Variants in NFIA observed in about 807,000 individuals in gnomAD.
NFIA encodes the protein nuclear factor 1 A-type.
A neutral mutation model predicts 62.8 loss-of-function variants in NFIA; 8 were observed. The observed-to-expected ratio is 0.13, with a 90% CI of 0.07 to 0.23. The LOEUF (loss-of-function observed/expected upper bound fraction) is 0.23. Ranked by LOEUF, NFIA falls within the 10% of genes least tolerant of loss-of-function variation. The pLI, the probability that NFIA is intolerant of heterozygous loss-of-function variation, is 1.00. For missense variants in NFIA, 410 were observed against 642.1 expected (o/e 0.64, Z 3.91); for synonymous variants, 235 against 238.1 (o/e 0.99, Z 0.12).
At position 61,454,572 on chromosome 1, in the gene NFIA, A is replaced by T. The variant is rs1429437875; in HGVS notation, c.1513-731A>T. On this transcript the variant is annotated intron_variant, in intron 10 of 10. Coordinates refer to ENST00000403491, the MANE Select transcript of NFIA (RefSeq NM_001134673.4). ...TGGTACTTAATAGAGTAAAATCTTG[A>T]TCCTACTTAGTTATTATGTTTCATG... Among the ~76,000 whole-genome samples, 3 of 152,218 alleles carry T rather than the reference A, an allele frequency of 2.0e-5. No individual in the cohort carries two copies. In the East Asian group the frequency reaches 5.8e-4, roughly 29 times the overall value.
intron 3 of NFIA, among the ~76,000 whole-genome samples, chr1:61,323,852 CTTA>C (rs1660796748): frequency 6.6e-6 from 1 of 152,120 alleles, no homozygotes; most frequent in South Asian, 2.1e-4. Context: ...AGAATAAAGG[CTTA>C]TGCTGGGCCC....
At chr1:61,414,246 G>A (rs1666253067) in intron 9 of NFIA, among the ~76,000 whole-genome samples, 1 of 152,184 alleles carries the variant, frequency 6.6e-6, no homozygotes, top group Non-Finnish European at 1.5e-5. Flanking sequence ...GCCTCCCAAA[G>A]TGTTGGGATT....
intron 9 of NFIA, among the ~76,000 whole-genome samples, chr1:61,407,302 G>T (rs975102941): frequency 6.6e-6 from 1 of 152,138 alleles, no homozygotes; most frequent in African/African-American, 2.4e-5. Flanking sequence ...TAGGGGCTGG[G>T]GTACGGAGAT....
intron 2 of NFIA, among the ~76,000 whole-genome samples, chr1:61,205,425 G>C (rs1176823053): frequency 6.6e-6 from 1 of 152,174 alleles, no homozygotes; most frequent in Non-Finnish European, 1.5e-5. Context: ...CTTTCTCATA[G>C]GCATAGCAGT....
chr1:61,406,543 G>GGGGGGGCCCCCCCC lies in NFIA; in HGVS notation c.1255-19_1255-18insGGGGGGCCCCCCCC. 2.3e-6 allele frequency: 2 copies of GGGGGGGCCCCCCCC among 876,654 alleles called. No homozygotes were observed. The highest frequency in any genetic ancestry group is 3.1e-6 in the Non-Finnish European group (2 of 653,744). 54.3% of individuals were successfully genotyped at this position (876,654 alleles called of 1,614,324 possible). ...TCTTTTTCTTGTACGTGTGTTTTCT[G>GGGGGGGCCCCCCCC]CCCCCCCCCCCCCCACAGCCCAATG... On this transcript the variant is annotated intron_variant, in intron 8 of 10. Coordinates refer to ENST00000403491, the MANE Select transcript of NFIA (RefSeq NM_001134673.4).
chr1:61,301,776 G>C (rs150045967), intron 3 of NFIA, among the ~76,000 whole-genome samples: 64 of 152,226 alleles, frequency 4.2e-4, no homozygotes, highest in African/African-American at 1.5e-3. Flanking sequence ...AAACAGAAAT[G>C]ATTGACATCA....
At chr1:61,220,467 TGCGG>T (rs1436391446) in intron 2 of NFIA, among the ~76,000 whole-genome samples, 1 of 152,194 alleles carries the variant, frequency 6.6e-6, no homozygotes, top group East Asian at 1.9e-4. Flanking sequence ...ATTGTGGCAA[TGCGG>T]TATTTAGACC....
At chr1:61,347,997 A>C (rs1424422493) in intron 4 of NFIA, among the ~76,000 whole-genome samples, 1 of 152,224 alleles carries the variant, frequency 6.6e-6, no homozygotes, top group Non-Finnish European at 1.5e-5. Flanking sequence ...AATGAAATTA[A>C]GTACAGTAAG....
At chr1:61,188,626 G>A (rs1041100191) in intron 2 of NFIA, among the ~76,000 whole-genome samples, 1 of 152,138 alleles carries the variant, frequency 6.6e-6, no homozygotes, top group Non-Finnish European at 1.5e-5. Context: ...CATCATCATC[G>A]TCATCTTTTA....
intron 2 of NFIA, among the ~76,000 whole-genome samples, chr1:61,132,543 C>T (rs555054411): frequency 1.2e-3 from 186 of 152,232 alleles, no homozygotes; most frequent in Non-Finnish European, 2.0e-3. Context: ...ATCCTTTAAG[C>T]CACAAAGATA....
Position 61,284,574 on chromosome 1 carries a change from G to T in NFIA, c.625+6989G>T, listed in dbSNP as rs189257667. 4.5e-4 allele frequency among the ~76,000 whole-genome samples: 69 copies of T among 152,054 alleles called. No individual in the cohort carries two copies. In the East Asian group the frequency reaches 7.2e-3, roughly 16 times the overall value. ...GCGCCTTTTCAACTGAAAAATGGGG[G>T]GTGTGGGGGGAGATTTGTAGCCATT... On this transcript the variant is annotated intron_variant, in intron 3 of 10. Coordinates refer to ENST00000403491, the MANE Select transcript of NFIA (RefSeq NM_001134673.4).
intron 2 of NFIA, among the ~76,000 whole-genome samples, chr1:61,207,944 A>G (rs917563927): frequency 7.0e-6 from 1 of 142,248 alleles, no homozygotes; most frequent in Admixed American, 6.9e-5. Context: ...ACCCAGTTGG[A>G]TAGTGGTATG....
rs895121758 is a variant in NFIA at position 61,327,189 on chromosome 1, CAG to C, written c.626-5317_626-5316del. On this transcript the variant is annotated intron_variant, in intron 3 of 10. Transcript: ENST00000403491. ...TTAAACTATATTGCTGCAAATGAGA[CAG>C]AGAGACAGAAATAAGAAGTTCTGTC... is the stretch of plus-strand genomic sequence containing the variant. 2.7e-5 allele frequency among the ~76,000 whole-genome samples: 4 copies of C among 149,872 alleles called. 1 individual carries two copies. The highest frequency in any genetic ancestry group is 4.2e-4 in the South Asian group (2 of 4,768).
At chr1:61,259,400 C>CAT (rs1342594483) in intron 2 of NFIA, among the ~76,000 whole-genome samples, 3 of 152,164 alleles carry the variant, frequency 2.0e-5, no homozygotes, top group Non-Finnish European at 2.9e-5. Context: ...ACTTATTGAA[C>CAT]ATATATTATG....
At chr1:61,440,756 T>C (rs925326129) in intron 10 of NFIA, among the ~76,000 whole-genome samples, 1 of 152,152 alleles carries the variant, frequency 6.6e-6, no homozygotes, top group Non-Finnish European at 1.5e-5. Flanking sequence ...GGATACTGTC[T>C]ACTTTGGATT....
At chr1:61,164,731 A>T (rs971596917) in intron 2 of NFIA, among the ~76,000 whole-genome samples, 1 of 152,126 alleles carries the variant, frequency 6.6e-6, no homozygotes, top group African/African-American at 2.4e-5. Context: ...AAGTGCTGGG[A>T]TTACAGGTGT....
chr1:61,338,634 C>T (rs956657314), intron 4 of NFIA, among the ~76,000 whole-genome samples: 1 of 152,134 alleles, frequency 6.6e-6, no homozygotes, highest in Non-Finnish European at 1.5e-5. Context: ...AGAATGAACT[C>T]GGCTACAAGG....
chr1:61,249,510 T>C (rs1655875109), intron 2 of NFIA, among the ~76,000 whole-genome samples: 3 of 152,306 alleles, frequency 2.0e-5, no homozygotes, highest in African/African-American at 7.2e-5. Context: ...GGCTCACGCC[T>C]ATAATCCAAG....
chr1:61,299,653 G>T (rs1320413707), intron 3 of NFIA, among the ~76,000 whole-genome samples: 1 of 152,146 alleles, frequency 6.6e-6, no homozygotes, highest in Non-Finnish European at 1.5e-5. Flanking sequence ...AGACTTGTTT[G>T]TACAGCGACT....
Sources: allele counts gnomAD v4.1 joint callset (sites outside exome capture counted in the v4.1 genomes callset), GRCh38; gene constraint gnomAD v4.1.1; transcripts MANE v1.5; gene names NCBI Gene and HGNC (gene_info 2026-07-23, HGNC 2026-07-21).